ZMPSTE24: variants seen among roughly 807,000 people sequenced by gnomAD.
ZMPSTE24 encodes the protein CAAX prenyl protease 1 homolog.
ZMPSTE24 carries 48 observed loss-of-function variants against 56.7 expected under a neutral mutation model. The observed-to-expected ratio is 0.85, with a 90% CI of 0.67 to 1.08. ZMPSTE24 has a LOEUF of 1.08. Among genes scored for constraint, ZMPSTE24 ranks in the 50% least tolerant of loss-of-function variants. ZMPSTE24 has a pLI of 0.00. For synonymous variants in ZMPSTE24, 172 were observed against 195.2 expected (o/e 0.88, Z 0.99); for missense variants, 503 against 548.7 (o/e 0.92, Z 0.83).
Position 40,281,064 on chromosome 1 carries a change from C to T in ZMPSTE24, c.770-279C>T, listed in dbSNP as rs531399625. 2.6e-5 allele frequency among the ~76,000 whole-genome samples: 4 copies of T among 152,178 alleles called. No individual in the cohort carries two copies. In the South Asian group the frequency reaches 8.3e-4, roughly 32 times the overall value. ...AATTTTTTTCTGGCAGCTTAAAATT[C>T]CATTTCATAGTTTTACTATAATTGA... On this transcript the variant is annotated intron_variant, in intron 6 of 9. Coordinates refer to ENST00000372759, the MANE Select transcript of ZMPSTE24 (RefSeq NM_005857.5).
Position 40,290,000 on chromosome 1 carries a change from A to G in ZMPSTE24, c.1060-854A>G, listed in dbSNP as rs192032712. Among the ~76,000 whole-genome samples the G allele has an allele frequency of 1.4e-3, 211 of 152,356 alleles. 2 individuals are homozygous for G. Among genetic ancestry groups the G allele is most frequent in the Middle Eastern group, 0.01 (3 of 294 alleles). On this transcript the variant is annotated intron_variant, in intron 8 of 9. Transcript: ENST00000372759. Reference sequence around the variant, plus strand: ...TTGACCACTTCAAACCCTCAATGATAGGAGCCTCAACTTAAGCTTGCCCTT... The same window carrying G: ...TTGACCACTTCAAACCCTCAATGATGGGAGCCTCAACTTAAGCTTGCCCTT...
At position 40,268,547 on chromosome 1, in the gene ZMPSTE24, A is replaced by G; in HGVS notation, c.474+12A>G. 6.6e-7 allele frequency: 1 copy of G among 1,507,574 alleles called. No homozygotes were observed. Among genetic ancestry groups the G allele is most frequent in the African/African-American group, 1.4e-5 (1 of 72,764 alleles). 93.4% of individuals were successfully genotyped at this position (1,507,574 alleles called of 1,614,324 possible). On this transcript the variant is annotated intron_variant, in intron 4 of 9. Coordinates refer to ENST00000372759, the MANE Select transcript of ZMPSTE24 (RefSeq NM_005857.5). ...GCTTCAATCAACAGGTATAATAAAG[A>G]ATACAAATGTTCTCTTTTAAATGTG... is the stretch of plus-strand genomic sequence containing the variant.
chr1:40,271,981 G>A lies in ZMPSTE24; in HGVS notation c.715G>A (p.Glu239Lys), dbSNP rs267607181. 75 of 1,613,414 alleles carry A rather than the reference G, an allele frequency of 4.6e-5. No individual in the cohort carries two copies. The highest frequency in any genetic ancestry group is 6.1e-5 in the Non-Finnish European group (72 of 1,179,564). ...LPEGKLKEEI[E>K]VMAKSIDFPL... The stretch of plus-strand genomic sequence containing the variant: ...TGAGGGAAAGCTTAAAGAAGAAATT[G>A]AAGTAATGGCAAAGAGTATTGACTT... Residue 239 changes from glutamate to lysine, a missense_variant, in exon 6 of 10, where the codon GAA (glutamate) becomes AAA (lysine). Transcript: ENST00000372759.
intron 9 of ZMPSTE24, among the ~76,000 whole-genome samples, chr1:40,292,138 G>A (rs1643850074): frequency 6.6e-6 from 1 of 152,016 alleles, no homozygotes; most frequent in African/African-American, 2.4e-5. Context: ...CACCACACCC[G>A]GCCTGAGCAT....
At chr1:40,269,413 T>G (rs1198344060) in intron 4 of ZMPSTE24, among the ~76,000 whole-genome samples, 1 of 151,934 alleles carries the variant, frequency 6.6e-6, no homozygotes, top group Non-Finnish European at 1.5e-5. Context: ...AAAAAGAAAT[T>G]TATGTTATAA....
At chr1:40,273,826 C>T (rs77081740) in intron 6 of ZMPSTE24, among the ~76,000 whole-genome samples, 8,694 of 151,264 alleles carry the variant, frequency 0.057, 543 homozygotes, top group African/African-American at 0.16. Context: ...AATCAGATAA[C>T]GTGAAATAAT....
intron 7 of ZMPSTE24, among the ~76,000 whole-genome samples, chr1:40,283,804 C>G (rs1403140185): frequency 6.6e-6 from 1 of 152,096 alleles, no homozygotes; most frequent in Non-Finnish European, 1.5e-5. Flanking sequence ...CAGGGCTCCT[C>G]TTACTCGAGT....
At chr1:40,284,408 A>G (rs1388632819) in intron 7 of ZMPSTE24, among the ~76,000 whole-genome samples, 2 of 152,050 alleles carry the variant, frequency 1.3e-5, no homozygotes, top group Non-Finnish European at 2.9e-5. Context: ...CTGTGTTAAC[A>G]GCTTACCTCA....
intron 1 of ZMPSTE24, chr1:40,259,668 C>T (rs371152270): frequency 6.6e-6 from 1 of 152,200 alleles, no homozygotes; most frequent in African/African-American, 2.4e-5. Flanking sequence ...ACAGTAGCAT[C>T]ATCATAGCTC....
At chr1:40,271,468 C>T (rs1054297246) in intron 5 of ZMPSTE24, among the ~76,000 whole-genome samples, 6 of 152,336 alleles carry the variant, frequency 3.9e-5, no homozygotes, top group Non-Finnish European at 7.4e-5. Flanking sequence ...AACCAAGTAA[C>T]AGCACACAAT....
chr1:40,293,235 C>A lies in ZMPSTE24; in HGVS notation c.*566C>A, dbSNP rs1287501546. On this transcript the variant is annotated 3_prime_UTR_variant, in exon 10 of 10. Coordinates refer to ENST00000372759, the MANE Select transcript of ZMPSTE24 (RefSeq NM_005857.5). The stretch of plus-strand genomic sequence containing the variant: ...ATTCTACCAAATTTTTAATTTCTTT[C>A]TTCCCTTTCTTGCTACACAGTGATC... 1 of 152,788 alleles carries A rather than the reference C, an allele frequency of 6.5e-6. No homozygotes were observed. Among genetic ancestry groups the A allele is most frequent in the Non-Finnish European group, 1.5e-5 (1 of 68,502 alleles). The allele number at this position is 152,788 out of a possible 1,614,324, so 9.5% of individuals were successfully genotyped here.
rs905083580 is a variant in ZMPSTE24 at position 40,270,119 on chromosome 1, G to A, written c.619G>A (p.Val207Met). The A allele has an allele frequency of 1.2e-6, 2 of 1,613,838 alleles. No individual in the cohort carries two copies. Among genetic ancestry groups the A allele is most frequent in the African/African-American group, 1.3e-5 (1 of 75,044 alleles). Residue 207 changes from valine (V) to methionine (M), a missense_variant, in exon 5 of 10, where the codon GTG becomes ATG. Coordinates refer to ENST00000372759, the MANE Select transcript of ZMPSTE24 (RefSeq NM_005857.5). ...FIYAWLFTLV[V>M]SLVLVTIYAD... The stretch of plus-strand genomic sequence containing the variant: ...TTATGCCTGGCTGTTCACATTAGTT[G>A]TGTCTCTGGTGAGTAAAATCTTTAT...
chr1:40,270,187 T>C, intron 5 of ZMPSTE24, 60 bp downstream of exon 5: 2 of 1,565,684 alleles, frequency 1.3e-6, no homozygotes, highest in South Asian at 2.2e-5. Flanking sequence ...ATTACTGTAA[T>C]CTTCATTGGC....
chr1:40,290,793 A>C (rs536310991), intron 8 of ZMPSTE24, 61 bp from the exon 9 acceptor site: 1 of 1,584,158 alleles, frequency 6.3e-7, no homozygotes, highest in Non-Finnish European at 8.7e-7. Context: ...TATGGATGCT[A>C]CTGATCCCAT....
intron 4 of ZMPSTE24, among the ~76,000 whole-genome samples, chr1:40,268,804 C>T (rs906196456): frequency 1.3e-5 from 2 of 151,844 alleles, no homozygotes; most frequent in Non-Finnish European, 2.9e-5. Flanking sequence ...AAGGCCAGGC[C>T]CAGTGGCTCA....
At position 40,290,450 on chromosome 1, in the gene ZMPSTE24, ATTTTTT is replaced by A. The variant is rs996301433; in HGVS notation, c.1060-381_1060-376del. Among the ~76,000 whole-genome samples, 299 of 82,516 alleles carry A rather than the reference ATTTTTT, an allele frequency of 3.6e-3. 2 individuals carry two copies. Among genetic ancestry groups the A allele is most frequent in the Non-Finnish European group, 5.5e-3 (248 of 44,962 alleles). 54.1% of individuals were successfully genotyped at this position (82,516 alleles called of 152,430 possible). A position where few individuals can be genotyped will look rare whatever the true frequency, so the allele number is the denominator to read the frequency against. ...TACCTTTCTTAAAATCACACTATGAATTTTTTTTTTTTTTTTTTTTTTTTTTTTGAG... is the reference window on the plus strand; with the variant it reads ...TACCTTTCTTAAAATCACACTATGAATTTTTTTTTTTTTTTTTTTTTTGAG... On this transcript the variant is annotated intron_variant, in intron 8 of 9. Coordinates refer to ENST00000372759, the MANE Select transcript of ZMPSTE24 (RefSeq NM_005857.5).
intron 6 of ZMPSTE24, among the ~76,000 whole-genome samples, chr1:40,275,863 T>C (rs955964836): frequency 3.9e-5 from 6 of 152,094 alleles, no homozygotes; most frequent in Non-Finnish European, 8.8e-5. Flanking sequence ...TAGGAACTTA[T>C]AATCATATTG....
chr1:40,273,925 A>G (rs1243481505), intron 6 of ZMPSTE24, among the ~76,000 whole-genome samples: 1 of 151,908 alleles, frequency 6.6e-6, no homozygotes, highest in Non-Finnish European at 1.5e-5. Flanking sequence ...TCCCCCTACA[A>G]CATCCAGAGT....
In ZMPSTE24 at chr1:40,268,450, C is replaced by T. The variant is rs764402793; in HGVS notation, c.389C>T (p.Ala130Val). The change falls in exon 4 of 10, where the codon GCT (alanine) becomes GTT (valine). Residue 130 changes from alanine to valine, a missense_variant. Transcript: ENST00000372759. ...CAGTCCCTGGTGTTTCTGCTGTTGG[C>T]TACACTTTTCAGTGCATTGACTGGT... ...ITQSLVFLLL[A>V]TLFSALTGLP... The T allele has an allele frequency of 3.7e-6, 6 of 1,612,666 alleles. No homozygotes were observed. The highest frequency in any genetic ancestry group is 2.7e-5 in the African/African-American group (2 of 74,882).
Sources: gnomAD v4.1 joint callset for allele counts (sites outside exome capture counted in the v4.1 genomes callset) on GRCh38, gnomAD v4.1.1 for gene constraint, MANE v1.5 for transcripts, NCBI Gene and HGNC (gene_info 2026-07-23, HGNC 2026-07-21) for gene names.